The following TAFA5 variants were observed in gnomAD, a reference collection of about 807,000 sequenced individuals.
The protein encoded by TAFA5 is chemokine-like protein TAFA-5.
In TAFA5, 6 loss-of-function variants were observed where a neutral mutation model predicts 15.3. That is an observed-to-expected ratio of 0.39 (90% CI 0.21 to 0.77). The LOEUF is 0.77. Ranked by LOEUF, TAFA5 falls within the 30% of genes least tolerant of loss-of-function variation. TAFA5 has a pLI of 0.41. For synonymous variants in TAFA5, 103 were observed against 80.7 expected (o/e 1.28, Z -1.48); for missense variants, 161 against 193.1 (o/e 0.83, Z 0.98).
At chr22:48,716,367 A>G (rs943224379) in intron 3 of TAFA5, among the ~76,000 whole-genome samples, 1 of 152,250 alleles carries the variant, frequency 6.6e-6, no homozygotes, top group African/African-American at 2.4e-5. Flanking sequence ...TGCCCTTTGC[A>G]GGGACATGGA....
rs191819088 is a variant in TAFA5, at chr22:48,751,701, G to A, written c.*1854G>A. 2.0e-5 allele frequency: 3 copies of A among 152,438 alleles called. No individual in the cohort carries two copies. The highest frequency in any genetic ancestry group is 1.9e-4 in the East Asian group (1 of 5,134). The allele number at this position is 152,438 out of a possible 1,614,324, so 9.4% of individuals were successfully genotyped here. A position where few individuals can be genotyped will look rare whatever the true frequency, so the allele number is the denominator to read the frequency against. On this transcript the variant is annotated 3_prime_UTR_variant, in exon 4 of 4. Coordinates refer to ENST00000402357, the MANE Select transcript of TAFA5 (RefSeq NM_001082967.3). ...CACAGAGGGGGTGGGCCTGGAAAGG[G>A]TCCTTCCCAAGCTGCCCCGGCTCCG... is the stretch of plus-strand genomic sequence containing the variant.
chr22:48,627,028 C>G (rs1435624725), intron 1 of TAFA5, among the ~76,000 whole-genome samples: 1 of 152,230 alleles, frequency 6.6e-6, no homozygotes, highest in Non-Finnish European at 1.5e-5. Context: ...GGCCCCTTTC[C>G]TTCACTGTGG....
At chr22:48,688,184 C>T (rs763718620) in intron 2 of TAFA5, among the ~76,000 whole-genome samples, 21 of 151,980 alleles carry the variant, frequency 1.4e-4, no homozygotes, top group Admixed American at 7.9e-4. Flanking sequence ...TAAAGGGAGG[C>T]GTTTCCATTC....
chr22:48,651,425 T>C (rs1402767173), intron 2 of TAFA5, among the ~76,000 whole-genome samples: 1 of 151,360 alleles, frequency 6.6e-6, no homozygotes, highest in Non-Finnish European at 1.5e-5. Context: ...GGCCTGGAGG[T>C]GGGTGTTGGG....
chr22:48,567,647 C>G (rs970998523), intron 1 of TAFA5, among the ~76,000 whole-genome samples: 1 of 152,130 alleles, frequency 6.6e-6, no homozygotes, highest in Non-Finnish European at 1.5e-5. Context: ...GCCCCCTCCT[C>G]CTGTCCACAT....
At chr22:48,580,210 T>C (rs1028400812) in intron 1 of TAFA5, among the ~76,000 whole-genome samples, 1 of 152,112 alleles carries the variant, frequency 6.6e-6, no homozygotes, top group African/African-American at 2.4e-5. Flanking sequence ...CTTTCGGAAA[T>C]GAGGCGTCCT....
chr22:48,514,638 C>T (rs1289508677), intron 1 of TAFA5, among the ~76,000 whole-genome samples: 1 of 152,062 alleles, frequency 6.6e-6, no homozygotes, highest in African/African-American at 2.4e-5. Flanking sequence ...GGGGTCAGTC[C>T]CCCACTCATG....
rs189833052 is a variant in TAFA5, at chr22:48,748,388, C to A, written c.391-1451C>A. Among the ~76,000 whole-genome samples the A allele has an allele frequency of 4.6e-5, 7 of 152,336 alleles. No homozygotes were observed. In the East Asian group the frequency reaches 1.4e-3, roughly 29 times the overall value. ...GCTCAGAGCCAGCTTCCTTTCCAGG[C>A]CCCAGGGGTGCAGTGAGGAGACACA... On this transcript the variant is annotated intron_variant, in intron 3 of 3. Transcript: ENST00000402357.
At chr22:48,701,615 C>A (rs996472053) in intron 2 of TAFA5, among the ~76,000 whole-genome samples, 2 of 152,232 alleles carry the variant, frequency 1.3e-5, no homozygotes, top group Admixed American at 1.3e-4. Context: ...GTCGCCCAAC[C>A]GTTTTTGGCA....
chr22:48,677,944 C>G (rs992763940), intron 2 of TAFA5, among the ~76,000 whole-genome samples: 1 of 152,080 alleles, frequency 6.6e-6, no homozygotes, highest in Non-Finnish European at 1.5e-5. Flanking sequence ...CCCAGACCTT[C>G]CAGTCCCCCA....
At position 48,566,356 on chromosome 22, in the gene TAFA5, G is replaced by C. The variant is rs765265394; in HGVS notation, c.112+76652G>C. 2.0e-5 allele frequency among the ~76,000 whole-genome samples: 3 copies of C among 151,934 alleles called. No individual in the cohort carries two copies. Among genetic ancestry groups the C allele is most frequent in the African/African-American group, 4.8e-5 (2 of 41,344 alleles). ...GGTGGATGATGAATGGATGGTGATGGGTGGACGGATGGTGGATGGATGGGT... is the reference window on the plus strand; with the variant it reads ...GGTGGATGATGAATGGATGGTGATGCGTGGACGGATGGTGGATGGATGGGT... On this transcript the variant is annotated intron_variant, in intron 1 of 3. Transcript: ENST00000402357. This position sits in a 1 kb window ranked among gnomAD's most constrained non-coding sequence, Gnocchi z 4.5.
At chr22:48,634,566 TACTC>T (rs1400551127) in intron 1 of TAFA5, among the ~76,000 whole-genome samples, 3 of 151,982 alleles carry the variant, frequency 2.0e-5, no homozygotes, top group African/African-American at 7.3e-5. Flanking sequence ...TTCACTGATT[TACTC>T]AGTCACTGAT....
At position 48,679,092 on chromosome 22, in the gene TAFA5, G is replaced by GTCCCTGTCCATCCCTCTCCTGT. The variant is rs1569075976; in HGVS notation, c.263-28625_263-28624insTCCCTGTCCATCCCTCTCCTGT. ...CGTCTCCCTGTCCATCCCTCTCCCGGCTCCCTGTCCATCCCTCTCCCGGCT... is the reference window on the plus strand; with the variant it reads ...CGTCTCCCTGTCCATCCCTCTCCCGGTCCCTGTCCATCCCTCTCCTGTCTCCCTGTCCATCCCTCTCCCGGCT... On this transcript the variant is annotated intron_variant, in intron 2 of 3. Transcript: ENST00000402357. 1.4e-4 allele frequency among the ~76,000 whole-genome samples: 2 copies of GTCCCTGTCCATCCCTCTCCTGT among 14,356 alleles called. 1 individual carries two copies. The highest frequency in any genetic ancestry group is 3.0e-4 in the Non-Finnish European group (2 of 6,700). The allele number at this position is 14,356 out of a possible 152,430, so 9.4% of individuals were successfully genotyped here.
intron 1 of TAFA5, among the ~76,000 whole-genome samples, chr22:48,641,868 A>G (rs911742686): frequency 6.6e-6 from 1 of 152,062 alleles, no homozygotes; most frequent in Non-Finnish European, 1.5e-5. Context: ...TTTATTTTTG[A>G]ATGTTTTTCC....
intron 1 of TAFA5, among the ~76,000 whole-genome samples, chr22:48,558,301 G>A (rs1923108855): frequency 6.6e-6 from 1 of 152,230 alleles, no homozygotes. Flanking sequence ...CTCATTTGCT[G>A]TTGGCCCTAG....
Position 48,549,363 on chromosome 22 carries a change from C to T in TAFA5, c.112+59659C>T, listed in dbSNP as rs111705628. On this transcript the variant is annotated intron_variant, in intron 1 of 3. Coordinates refer to ENST00000402357, the MANE Select transcript of TAFA5 (RefSeq NM_001082967.3). The stretch of plus-strand genomic sequence containing the variant: ...GAGCTTCAGGGACATGGAATCCATT[C>T]GCCACCAGGCAGCTGGTGGTCAGCA... Among the ~76,000 whole-genome samples the T allele has an allele frequency of 3.4e-3, 520 of 152,346 alleles. 3 individuals are homozygous for T. Among genetic ancestry groups the T allele is most frequent in the African/African-American group, 0.012 (500 of 41,586 alleles).
intron 1 of TAFA5, among the ~76,000 whole-genome samples, chr22:48,510,682 C>G (rs1043348780): frequency 1.3e-5 from 2 of 152,224 alleles, no homozygotes; most frequent in Non-Finnish European, 2.9e-5. Flanking sequence ...AAGGCCTCCT[C>G]CTCCTCCAGG....
At chr22:48,624,432 C>G (rs1925956441) in intron 1 of TAFA5, among the ~76,000 whole-genome samples, 3 of 152,176 alleles carry the variant, frequency 2.0e-5, no homozygotes, top group Admixed American at 1.3e-4. Flanking sequence ...CAGGCCGCCT[C>G]CATGAGGACA....
intron 1 of TAFA5, among the ~76,000 whole-genome samples, chr22:48,516,788 C>T (rs1921423301): frequency 6.6e-6 from 1 of 152,172 alleles, no homozygotes; most frequent in Non-Finnish European, 1.5e-5. Flanking sequence ...CCCAGCCAGG[C>T]CAGTGCTGAC....
Sources: allele counts gnomAD v4.1 joint callset (sites outside exome capture counted in the v4.1 genomes callset), GRCh38; gene constraint gnomAD v4.1.1; non-coding constraint Gnocchi (gnomAD v3.1); transcripts MANE v1.5; gene names NCBI Gene and HGNC (gene_info 2026-07-23, HGNC 2026-07-21).